The following RNF220 variants were observed in gnomAD, a reference collection of about 807,000 sequenced individuals.
RNF220 encodes ring finger protein 220.
A neutral mutation model predicts 67.1 loss-of-function variants in RNF220; 7 were observed. The observed-to-expected ratio is 0.10, with a 90% confidence interval of 0.06 to 0.20. The LOEUF is 0.20. Ranked by LOEUF, RNF220 falls within the 10% of genes least tolerant of loss-of-function variation. RNF220 has a pLI of 1.00. For missense variants in RNF220, 565 were observed against 740.3 expected (o/e 0.76, Z 2.75); for synonymous variants, 270 against 283.2 (o/e 0.95, Z 0.47).
At chr1:44,559,095 G>A (rs1388082810) in intron 2 of RNF220, among the ~76,000 whole-genome samples, 1 of 152,242 alleles carries the variant, frequency 6.6e-6, no homozygotes, top group Non-Finnish European at 1.5e-5. Flanking sequence ...CACATAGTAA[G>A]TGCTCATTAA....
intron 1 of RNF220, chr1:44,410,540 C>T (rs1265881269): frequency 1.3e-5 from 2 of 152,232 alleles, no homozygotes; most frequent in Non-Finnish European, 2.9e-5. Context: ...ATGGTGTCCA[C>T]TCATCTTCCC....
intron 2 of RNF220, among the ~76,000 whole-genome samples, chr1:44,489,065 A>G (rs1445980328): frequency 6.6e-6 from 1 of 152,008 alleles, no homozygotes; most frequent in Non-Finnish European, 1.5e-5. Context: ...AGTGCTCATT[A>G]CCACTCTAGG....
chr1:44,601,430 T>G (rs1446700575), intron 2 of RNF220, among the ~76,000 whole-genome samples: 1 of 151,856 alleles, frequency 6.6e-6, no homozygotes, highest in Non-Finnish European at 1.5e-5. Flanking sequence ...GACGTGGGAG[T>G]TGATATGCTG....
chr1:44,460,250 C>A (rs1039987508), intron 2 of RNF220, among the ~76,000 whole-genome samples: 4 of 152,182 alleles, frequency 2.6e-5, no homozygotes, highest in African/African-American at 7.2e-5. Context: ...GCAGAACAGA[C>A]CCCGGCTGTG....
intron 2 of RNF220, among the ~76,000 whole-genome samples, chr1:44,595,341 AC>A (rs1454176849): frequency 6.6e-6 from 1 of 151,966 alleles, no homozygotes; most frequent in Non-Finnish European, 1.5e-5. Flanking sequence ...CACCTAGGCC[AC>A]CCCCTCCAGG....
intron 5 of RNF220, 111 bp from the exon 6 acceptor site, chr1:44,632,231 TG>T (rs755762915): frequency 1.2e-6 from 2 of 1,612,742 alleles, no homozygotes; most frequent in Non-Finnish European, 1.7e-6. Flanking sequence ...ACGGGCTGTT[TG>T]GGGCGGAGCA....
chr1:44,469,790 G>C (rs1440963736), intron 2 of RNF220, among the ~76,000 whole-genome samples: 1 of 152,188 alleles, frequency 6.6e-6, no homozygotes, highest in Non-Finnish European at 1.5e-5. Context: ...GCAACAGAGA[G>C]GAAAAACAGT....
At chr1:44,499,229 C>T (rs962501301) in intron 2 of RNF220, among the ~76,000 whole-genome samples, 5 of 152,316 alleles carry the variant, frequency 3.3e-5, no homozygotes, top group South Asian at 2.1e-4. Flanking sequence ...TGCACACAAA[C>T]GTGCAAAAAT....
At chr1:44,415,347 A>C (rs1648413445) in intron 2 of RNF220, among the ~76,000 whole-genome samples, 1 of 151,890 alleles carries the variant, frequency 6.6e-6, no homozygotes, top group African/African-American at 2.4e-5. Context: ...AGTATACAAG[A>C]CTGCTTCCAA....
At chr1:44,407,849 G>A (rs888825801) in intron 1 of RNF220, among the ~76,000 whole-genome samples, 6 of 152,092 alleles carry the variant, frequency 3.9e-5, no homozygotes, top group Admixed American at 3.3e-4. Flanking sequence ...GGTGACCCCC[G>A]GGGCGGGGCT....
chr1:44,468,602 A>G (rs1231382137), intron 2 of RNF220, among the ~76,000 whole-genome samples: 2 of 152,150 alleles, frequency 1.3e-5, no homozygotes, highest in African/African-American at 4.8e-5. Context: ...TATCTTTTAA[A>G]TTTTGTTCCA....
In RNF220 at chr1:44,490,084, G is replaced by A. The variant is rs116095917; in HGVS notation, c.625+77362G>A. Among the ~76,000 whole-genome samples, 1,272 of 152,020 alleles carry A rather than the reference G, an allele frequency of 8.4e-3. 8 individuals are homozygous for A. Among genetic ancestry groups the A allele is most frequent in the Middle Eastern group, 0.017 (5 of 294 alleles). On this transcript the variant is annotated intron_variant, in intron 2 of 14. Coordinates refer to ENST00000361799, the MANE Select transcript of RNF220 (RefSeq NM_018150.4). ...AATTTCTATATTATTAAACTAAACC[G>A]TTCTTCGTAAGACCAGTTGAGTAGC... is the stretch of plus-strand genomic sequence containing the variant.
intron 12 of RNF220, among the ~76,000 whole-genome samples, chr1:44,646,800 T>C (rs1281112359): frequency 6.6e-6 from 1 of 152,196 alleles, no homozygotes; most frequent in Non-Finnish European, 1.5e-5. Context: ...CTCAGTCATG[T>C]GCAGAGCTCT....
At chr1:44,627,559 G>A (rs1643993739) in intron 5 of RNF220, among the ~76,000 whole-genome samples, 1 of 152,126 alleles carries the variant, frequency 6.6e-6, no homozygotes, top group Non-Finnish European at 1.5e-5. Flanking sequence ...CTTCTCTGGA[G>A]TAGGAAGGAC....
At chr1:44,421,146 T>C (rs1040163976) in intron 2 of RNF220, among the ~76,000 whole-genome samples, 5 of 152,148 alleles carry the variant, frequency 3.3e-5, no homozygotes, top group African/African-American at 1.2e-4. Context: ...AGAAGCAAGG[T>C]AATAGTCGAG....
rs939936864 is a variant in RNF220, at chr1:44,607,680, G to A, written c.626-6485G>A. On this transcript the variant is annotated intron_variant, in intron 2 of 14. Coordinates refer to ENST00000361799, the MANE Select transcript of RNF220 (RefSeq NM_018150.4). ...TTTTTTTTGTATTTTTAGTAGAGAC[G>A]GGGTTTCACTGTGTTAGCCAGGATG... Among the ~76,000 whole-genome samples, 9 of 151,558 alleles carry A rather than the reference G, an allele frequency of 5.9e-5. No individual in the cohort carries two copies. In the South Asian group the frequency reaches 1.0e-3, roughly 18 times the overall value.
intron 2 of RNF220, among the ~76,000 whole-genome samples, chr1:44,605,569 C>T (rs1667217937): frequency 6.6e-6 from 1 of 152,124 alleles, no homozygotes; most frequent in Non-Finnish European, 1.5e-5. Flanking sequence ...TTAATTTTTG[C>T]CCTCAATAAA....
intron 2 of RNF220, among the ~76,000 whole-genome samples, chr1:44,595,604 C>T (rs1666424059): frequency 6.6e-6 from 1 of 152,092 alleles, no homozygotes; most frequent in South Asian, 2.1e-4. Context: ...GGCATTCTCT[C>T]CAGACTCAGC....
chr1:44,551,959 C>T (rs1381856699), intron 2 of RNF220, among the ~76,000 whole-genome samples: 1 of 152,182 alleles, frequency 6.6e-6, no homozygotes, highest in East Asian at 1.9e-4. Flanking sequence ...CAGCCACCTC[C>T]TCTGAGGGCC....
Sources: allele counts gnomAD v4.1 joint callset (sites outside exome capture counted in the v4.1 genomes callset), GRCh38; gene constraint gnomAD v4.1.1; transcripts MANE v1.5; gene names NCBI Gene and HGNC (gene_info 2026-07-23, HGNC 2026-07-21).